Variants in MEI4 observed in about 807,000 individuals in gnomAD.
MEI4 encodes meiotic double-stranded break formation protein 4, also known as meiosis-specific protein MEI4.
Under a neutral mutation model 31.4 loss-of-function variants are expected in MEI4, and 27 were observed. The observed-to-expected ratio is 0.86, with a 90% confidence interval of 0.63 to 1.19. The LOEUF (loss-of-function observed/expected upper bound fraction) is 1.19. Ranked by LOEUF, MEI4 falls within the 50% of genes most tolerant of loss-of-function variation. The pLI, the probability that MEI4 is intolerant of heterozygous loss-of-function variation, is 0.00. For synonymous variants in MEI4, 122 were observed against 145.4 expected (o/e 0.84, Z 1.16); for missense variants, 329 against 398.9 (o/e 0.82, Z 1.49).
chr6:77,893,694 A>G (rs753746896), intron 4 of MEI4, among the ~76,000 whole-genome samples: 2 of 151,928 alleles, frequency 1.3e-5, no homozygotes, highest in Non-Finnish European at 2.9e-5. Context: ...CTTGTTCTAT[A>G]CTCCTTTTTT....
intron 3 of MEI4, among the ~76,000 whole-genome samples, chr6:77,791,740 G>T (rs1034785248): frequency 6.6e-6 from 1 of 151,316 alleles, no homozygotes; most frequent in Non-Finnish European, 1.5e-5. Flanking sequence ...AACTGACAGT[G>T]TTATTATTTC....
intron 3 of MEI4, among the ~76,000 whole-genome samples, chr6:77,798,697 G>C (rs1769157004): frequency 7.5e-6 from 1 of 133,726 alleles, no homozygotes; most frequent in South Asian, 2.3e-4. Context: ...CTGTGTCCAT[G>C]TGTTCTCATT....
chr6:77,867,513 T>G (rs1003921945), intron 4 of MEI4, among the ~76,000 whole-genome samples: 10 of 152,002 alleles, frequency 6.6e-5, no homozygotes, highest in South Asian at 2.1e-4. Flanking sequence ...AAAACCACAA[T>G]GAGATACCAC....
At chr6:77,849,461 G>C (rs1770563268) in intron 4 of MEI4, among the ~76,000 whole-genome samples, 1 of 152,138 alleles carries the variant, frequency 6.6e-6, no homozygotes, top group Admixed American at 6.6e-5. Flanking sequence ...CTGCATTTCT[G>C]TTCGCTCTGA....
At chr6:77,908,400 T>C (rs1346737893) in intron 4 of MEI4, among the ~76,000 whole-genome samples, 2 of 152,288 alleles carry the variant, frequency 1.3e-5, no homozygotes, top group East Asian at 1.9e-4. Context: ...ATTTATTAAA[T>C]AGGGAATCGT....
intron 4 of MEI4, among the ~76,000 whole-genome samples, chr6:77,916,893 A>G (rs1232074652): frequency 2.0e-5 from 3 of 151,350 alleles, no homozygotes; most frequent in African/African-American, 7.3e-5. Flanking sequence ...AGCATTAGGT[A>G]TATCTCCCAA....
chr6:77,694,177 C>A (rs920795823), intron 2 of MEI4, among the ~76,000 whole-genome samples: 2 of 151,842 alleles, frequency 1.3e-5, no homozygotes, highest in African/African-American at 4.8e-5. Context: ...TTATGCTAAA[C>A]ATTATTTGTT....
chr6:77,905,748 G>A (rs1183794018), intron 4 of MEI4, among the ~76,000 whole-genome samples: 6 of 150,196 alleles, frequency 4.0e-5, no homozygotes, highest in Admixed American at 2.0e-4. Flanking sequence ...TGCCCACCTC[G>A]GCCTCCCAGA....
At chr6:77,863,914 G>GGGGCCAATA in intron 4 of MEI4, among the ~76,000 whole-genome samples, 1 of 152,280 alleles carries the variant, frequency 6.6e-6, no homozygotes, top group African/African-American at 2.4e-5. Flanking sequence ...AAAGAGAGTG[G>GGGGCCAATA]GGGCCAATAT....
At position 77,898,903 on chromosome 6, in the gene MEI4, A is replaced by G. The variant is rs147325761; in HGVS notation, c.901-24186A>G. Reference sequence around the variant, plus strand: ...CCTGAAGATTTCCTTCCCTGCCTAGATGAAGTCTCAAGGTTTCAATTTTAA... The same window carrying G: ...CCTGAAGATTTCCTTCCCTGCCTAGGTGAAGTCTCAAGGTTTCAATTTTAA... On this transcript the variant is annotated intron_variant, in intron 4 of 4. Coordinates refer to ENST00000684080, the MANE Select transcript of MEI4 (RefSeq NM_001322247.2). Among the ~76,000 whole-genome samples, 212 of 152,092 alleles carry G rather than the reference A, an allele frequency of 1.4e-3. 1 individual carries two copies. The highest frequency in any genetic ancestry group is 4.5e-3 in the African/African-American group (187 of 41,520).
intron 3 of MEI4, among the ~76,000 whole-genome samples, chr6:77,818,203 A>G (rs928570573): frequency 2.6e-5 from 4 of 152,128 alleles, no homozygotes; most frequent in Non-Finnish European, 5.9e-5. Flanking sequence ...TTTTTATTTG[A>G]CAATCAGTGT....
At chr6:77,862,991 C>A (rs1770907776) in intron 4 of MEI4, among the ~76,000 whole-genome samples, 2 of 152,284 alleles carry the variant, frequency 1.3e-5, no homozygotes, top group South Asian at 4.1e-4. Context: ...CCAGCAAACT[C>A]CAACAGACCT....
At chr6:77,759,415 C>CGAGA (rs1374870249) in intron 2 of MEI4, among the ~76,000 whole-genome samples, 1 of 152,120 alleles carries the variant, frequency 6.6e-6, no homozygotes, top group Non-Finnish European at 1.5e-5. Flanking sequence ...CAGTCTAGAC[C>CGAGA]TTCTCCCCAG....
chr6:77,874,695 G>A (rs997719048), intron 4 of MEI4, among the ~76,000 whole-genome samples: 5 of 152,032 alleles, frequency 3.3e-5, no homozygotes, highest in African/African-American at 4.8e-5. Context: ...GTTTTCAAAG[G>A]GAATGCTTCC....
At chr6:77,760,480 T>G (rs1768018259) in intron 2 of MEI4, among the ~76,000 whole-genome samples, 3 of 152,182 alleles carry the variant, frequency 2.0e-5, no homozygotes, top group Admixed American at 2.0e-4. Flanking sequence ...CTCTATATTA[T>G]TTATCTTAGT....
chr6:77,731,581 C>A (rs1230654426), intron 2 of MEI4, among the ~76,000 whole-genome samples: 2 of 151,350 alleles, frequency 1.3e-5, no homozygotes, highest in Non-Finnish European at 2.9e-5. Flanking sequence ...TGTAGGTTGC[C>A]TGTTCACTCT....
intron 2 of MEI4, among the ~76,000 whole-genome samples, chr6:77,703,354 TAA>T (rs1766264264): frequency 6.6e-6 from 1 of 152,180 alleles, no homozygotes; most frequent in South Asian, 2.1e-4. Flanking sequence ...CTCCTGACTC[TAA>T]GAGAGCCACA....
intron 3 of MEI4, among the ~76,000 whole-genome samples, chr6:77,768,916 A>G (rs941467503): frequency 2.0e-5 from 3 of 152,178 alleles, no homozygotes; most frequent in South Asian, 2.1e-4. Flanking sequence ...AAATAAAACT[A>G]TCAAAGGAGG....
At chr6:77,655,435 A>G (rs948514552) in intron 1 of MEI4, among the ~76,000 whole-genome samples, 1 of 152,062 alleles carries the variant, frequency 6.6e-6, no homozygotes, top group South Asian at 2.1e-4. Context: ...AAGAACCAAC[A>G]TTTCTTCTTC....
Sources: gnomAD v4.1 joint callset for allele counts (sites outside exome capture counted in the v4.1 genomes callset) on GRCh38, gnomAD v4.1.1 for gene constraint, MANE v1.5 for transcripts, NCBI Gene and HGNC (gene_info 2026-07-23, HGNC 2026-07-21) for gene names.